The following CDC40 variants were observed in gnomAD, a reference collection of about 807,000 sequenced individuals.
CDC40 encodes cell division cycle 40, also known as pre-mRNA-processing factor 17.
Under a neutral mutation model 80.6 loss-of-function variants are expected in CDC40, and 27 were observed. That is an observed-to-expected ratio of 0.33 (90% CI 0.25 to 0.46). CDC40 has a LOEUF of 0.46. Ranked by LOEUF, CDC40 falls within the 20% of genes least tolerant of loss-of-function variation. The pLI, the probability that CDC40 is intolerant of heterozygous loss-of-function variation, is 1.00. For synonymous variants in CDC40, 221 were observed against 232.6 expected, an observed-to-expected ratio of 0.95 and a Z score of 0.45; for missense variants, 486 against 694.1, an observed-to-expected ratio of 0.70 and a Z score of 3.37.
chr6:110,222,589 A>C (rs1777792402), intron 12 of CDC40, among the ~76,000 whole-genome samples: 1 of 150,298 alleles, frequency 6.7e-6, no homozygotes, highest in South Asian at 2.1e-4. Context: ...AACAACAAAA[A>C]ACAGTTTTCA....
chr6:110,221,610 G>A (rs949451978), intron 12 of CDC40, among the ~76,000 whole-genome samples: 1 of 152,138 alleles, frequency 6.6e-6, no homozygotes, highest in Non-Finnish European at 1.5e-5. Context: ...TAGATCACTT[G>A]CACAAACTCT....
chr6:110,197,677 A>G (rs1777436242), intron 2 of CDC40, among the ~76,000 whole-genome samples: 1 of 139,700 alleles, frequency 7.2e-6, no homozygotes, highest in South Asian at 2.3e-4. Context: ...ATGTGGGATC[A>G]TGTGATACTT....
At chr6:110,228,763 A>T in intron 13 of CDC40, 69 bp from the exon 14 acceptor site, 1 of 1,226,838 alleles carries the variant, frequency 8.2e-7, no homozygotes, top group Non-Finnish European at 1.1e-6. Context: ...CAGTGAACAT[A>T]TTTAAAATAA....
intron 2 of CDC40, among the ~76,000 whole-genome samples, chr6:110,194,418 C>T (rs993251970): frequency 6.6e-6 from 1 of 152,152 alleles, no homozygotes; most frequent in Non-Finnish European, 1.5e-5. Flanking sequence ...TCATATAGTA[C>T]TTTTCCTGCC....
chr6:110,221,034 A>G (rs1320697196), intron 12 of CDC40, among the ~76,000 whole-genome samples: 4 of 152,208 alleles, frequency 2.6e-5, no homozygotes, highest in East Asian at 1.9e-4. Context: ...TAGTCATATT[A>G]TATTGGTTAA....
At chr6:110,207,969 G>C (rs1299858667) in intron 4 of CDC40, among the ~76,000 whole-genome samples, 2 of 152,172 alleles carry the variant, frequency 1.3e-5, no homozygotes, top group African/African-American at 4.8e-5. Context: ...ACTTTATTTG[G>C]TAAGTCTGTG....
At chr6:110,229,867 C>T (rs1033665691) in intron 14 of CDC40, 87 bp from the exon 15 acceptor site, 77 of 757,276 alleles carry the variant, frequency 1.0e-4, no homozygotes, top group Middle Eastern at 3.9e-4. Context: ...TTAATGTTAA[C>T]GTGAAAAGAT....
At position 110,217,696 on chromosome 6, in the gene CDC40, CT is replaced by C; in HGVS notation, c.989-3del. The C allele has an allele frequency of 7.0e-7, 1 of 1,431,866 alleles. No homozygotes were observed. Among genetic ancestry groups the C allele is most frequent in the Non-Finnish European group, 9.9e-7 (1 of 1,013,948 alleles). The allele number at this position is 1,431,866 out of a possible 1,614,324, so 88.7% of individuals were successfully genotyped here. ...TCATTGCTGTTTCTGTTGACTCCAC[CT>C]TTAGGTCACAGTAAGGCTGTTAGGG... is the stretch of plus-strand genomic sequence containing the variant. On this transcript the variant is annotated splice_region_variant and splice_polypyrimidine_tract_variant and intron_variant, in intron 9 of 14. Coordinates refer to ENST00000307731, the MANE Select transcript of CDC40 (RefSeq NM_015891.3).
At chr6:110,185,018 A>G (rs535352495) in intron 1 of CDC40, among the ~76,000 whole-genome samples, 28 of 152,318 alleles carry the variant, frequency 1.8e-4, no homozygotes, top group African/African-American at 6.3e-4. Flanking sequence ...GTCTTAGGGA[A>G]TATGGCACTT....
Position 110,180,471 on chromosome 6 carries a change from C to T in CDC40, c.27C>T (p.Ala9=), listed in dbSNP as rs761883148. The change falls in exon 1 of 15, where the codon GCC becomes GCT. Residue 9 remains alanine (A), a synonymous_variant. Transcript: ENST00000307731. ...TGTCGGCTGCGATTGCAGCTCTGGC[C>T]GCTTCCTATGGTTCGGGTTCAGGGT... MSAAIAAL[A]ASYGSGSGSE... 1.2e-6 allele frequency: 2 copies of T among 1,614,192 alleles called. No homozygotes were observed. Among genetic ancestry groups the T allele is most frequent in the South Asian group, 1.1e-5 (1 of 91,088 alleles).
intron 1 of CDC40, among the ~76,000 whole-genome samples, chr6:110,185,801 C>A (rs1320347130): frequency 6.6e-6 from 1 of 152,042 alleles, no homozygotes; most frequent in African/African-American, 2.4e-5. Context: ...GCAGCCATGG[C>A]AATTTTTTTA....
chr6:110,223,322 A>G (rs973446040), intron 12 of CDC40, among the ~76,000 whole-genome samples: 1 of 152,132 alleles, frequency 6.6e-6, no homozygotes, highest in Non-Finnish European at 1.5e-5. Flanking sequence ...TGGCCTCACA[A>G]AGCTTGAATT....
rs1777644716 is a variant in CDC40, at chr6:110,212,133, T to C, written c.728T>C (p.Val243Ala). 3 of 1,611,220 alleles carry C rather than the reference T, an allele frequency of 1.9e-6. No individual in the cohort carries two copies. Among genetic ancestry groups the C allele is most frequent in the African/African-American group, 1.3e-5 (1 of 74,844 alleles). ...GATTTTCTTTGCCTTTTTGTTTCAG[T>C]TAAAGAAATGTATGACTATCAAGGC... ...KPGEEKTILHVKEMYDYQGRS... is the reference protein window; with the variant it reads ...KPGEEKTILHAKEMYDYQGRS... The change falls in exon 7 of 15, where the codon GTT (valine) becomes GCT (alanine). Residue 243 changes from valine to alanine, a missense_variant and splice_region_variant. By Grantham distance (64) the Val-to-Ala change is moderately conservative. This residue lies in a region of CDC40 where 381 missense variants were observed against 492.1 expected (regional missense o/e 0.77). Coordinates refer to ENST00000307731, the MANE Select transcript of CDC40 (RefSeq NM_015891.3).
chr6:110,213,441 G>T (rs1777662415), intron 8 of CDC40, among the ~76,000 whole-genome samples: 1 of 149,024 alleles, frequency 6.7e-6, no homozygotes, highest in Non-Finnish European at 1.5e-5. Flanking sequence ...CCAGGCTGGA[G>T]TGCAGTGGCA....
Position 110,212,283 on chromosome 6 carries a change from T to C in CDC40, c.867+11T>C. On this transcript the variant is annotated intron_variant, in intron 7 of 14. Coordinates refer to ENST00000307731, the MANE Select transcript of CDC40 (RefSeq NM_015891.3). ...TCTGGACACACAAAGGTAAGCAAGT[T>C]GGTTGTTTCTGTTTGCTGTAATGTT... The C allele has an allele frequency of 6.2e-7, 1 of 1,613,080 alleles. No individual in the cohort carries two copies. Among genetic ancestry groups the C allele is most frequent in the South Asian group, 1.1e-5 (1 of 90,750 alleles).
intron 3 of CDC40, among the ~76,000 whole-genome samples, chr6:110,206,169 G>A (rs370155296): frequency 2.6e-5 from 4 of 151,966 alleles, no homozygotes; most frequent in African/African-American, 7.2e-5. Flanking sequence ...ATGGAGTCTC[G>A]CTCTGTCGCC....
intron 5 of CDC40, 23 bp downstream of exon 5, chr6:110,209,246 G>T (rs759132751): frequency 6.3e-7 from 1 of 1,595,644 alleles, no homozygotes; most frequent in Non-Finnish European, 8.6e-7. Context: ...GTTTTTAATT[G>T]TCAATTCAGG....
In CDC40 at chr6:110,232,051, A is replaced by G. The variant is rs991023397; in HGVS notation, c.*1920A>G. The stretch of plus-strand genomic sequence containing the variant: ...ATTGAAATGTGAAGGGACAAAAAGA[A>G]TCATACATTTAAACTGTCTTGTTCA... On this transcript the variant is annotated 3_prime_UTR_variant, in exon 15 of 15. Transcript: ENST00000307731. 2.7e-5 allele frequency: 4 copies of G among 150,462 alleles called. No homozygotes were observed. Among genetic ancestry groups the G allele is most frequent in the African/African-American group, 9.9e-5 (4 of 40,552 alleles). 9.3% of individuals were successfully genotyped at this position (150,462 alleles called of 1,614,324 possible). A position where few individuals can be genotyped will look rare whatever the true frequency, so the allele number is the denominator to read the frequency against.
At position 110,180,649 on chromosome 6, in the gene CDC40, A is replaced by G. The variant is rs749164030; in HGVS notation, c.189+16A>G. ...GGCAGTTAAGGTAAGCACTTTTGCT[A>G]CTAATGCAGTGTGGGAATTGTTGGC... On this transcript the variant is annotated intron_variant, in intron 1 of 14. Transcript: ENST00000307731. The G allele has an allele frequency of 1.9e-6, 3 of 1,590,546 alleles. No individual in the cohort carries two copies. The highest frequency in any genetic ancestry group is 2.6e-6 in the Non-Finnish European group (3 of 1,159,590).
Sources: allele counts gnomAD v4.1 joint callset (sites outside exome capture counted in the v4.1 genomes callset), GRCh38; gene constraint gnomAD v4.1.1; regional missense constraint gnomAD v4.1.1; transcripts MANE v1.5; gene names NCBI Gene and HGNC (gene_info 2026-07-23, HGNC 2026-07-21).